BCL2L14: variants seen among roughly 807,000 people sequenced by gnomAD.
The protein encoded by BCL2L14 is BCL2 like 14, also known as apoptosis facilitator Bcl-2-like protein 14.
In BCL2L14, 27 loss-of-function variants were observed where a neutral mutation model predicts 35.3. That is an observed-to-expected ratio of 0.76 (90% CI 0.56 to 1.05). The LOEUF is 1.05. Ranked by LOEUF, BCL2L14 falls within the 50% of genes least tolerant of loss-of-function variation. BCL2L14 has a pLI of 0.00. For missense variants in BCL2L14, 377 were observed against 382.6 expected, an observed-to-expected ratio of 0.99 and a Z score of 0.12; for synonymous variants, 139 against 145.9, an observed-to-expected ratio of 0.95 and a Z score of 0.34.
intron 1 of BCL2L14, among the ~76,000 whole-genome samples, chr12:12,050,601 A>G (rs977927155): frequency 1.3e-5 from 2 of 151,738 alleles, no homozygotes; most frequent in Non-Finnish European, 2.9e-5. Context: ...CTGGAACCCA[A>G]ATTGAAAAGG....
upstream of BCL2L14, among the ~76,000 whole-genome samples, chr12:12,067,884 G>A (rs953458288): frequency 1.3e-5 from 2 of 152,128 alleles, no homozygotes; most frequent in African/African-American, 2.4e-5. Context: ...CTCAGCTTCC[G>A]TGTGGGGTTT....
At chr12:12,064,300 T>G (rs911014680) in intron 2 of BCL2L14, among the ~76,000 whole-genome samples, 2 of 103,270 alleles carry the variant, frequency 1.9e-5, no homozygotes, top group Admixed American at 2.2e-4. Context: ...GCTAATTTTT[T>G]TGATTTTTTT....
intron 2 of BCL2L14, among the ~76,000 whole-genome samples, chr12:12,058,269 T>A (rs1948463684): frequency 2.0e-5 from 3 of 151,642 alleles, no homozygotes; most frequent in Admixed American, 1.3e-4. Flanking sequence ...TTTTTCTTTT[T>A]TTTGAGACGG....
At chr12:12,080,866 G>T (rs1049089145) in intron 2 of BCL2L14, among the ~76,000 whole-genome samples, 1 of 152,152 alleles carries the variant, frequency 6.6e-6, no homozygotes, top group African/African-American at 2.4e-5. Context: ...TCTTCCCTCA[G>T]TTGGACAAAA....
chr12:12,057,945 G>A (rs373018027), intron 2 of BCL2L14, among the ~76,000 whole-genome samples: 1 of 91,094 alleles, frequency 1.1e-5, no homozygotes, highest in African/African-American at 3.1e-5. Context: ...TTGTGTGTTT[G>A]TCTTTTTTTT....
chr12:12,067,241 C>G (rs1281646175), upstream of BCL2L14, among the ~76,000 whole-genome samples: 1 of 151,964 alleles, frequency 6.6e-6, no homozygotes, highest in Non-Finnish European at 1.5e-5. Flanking sequence ...ATTTTATTTA[C>G]AAAATAAGTT....
intron 5 of BCL2L14, among the ~76,000 whole-genome samples, chr12:12,096,634 C>T (rs1184458690): frequency 2.0e-5 from 3 of 152,222 alleles, no homozygotes; most frequent in Admixed American, 6.5e-5. Context: ...CATGAAAAGA[C>T]GCTTGTTTGA....
rs551408987 is a variant in BCL2L14, at chr12:12,094,389, C to G, written c.679-275C>G. 28 of 871,666 alleles carry G rather than the reference C, an allele frequency of 3.2e-5. No individual in the cohort carries two copies. The East Asian group carries it at 7.2e-4, about 22-fold the overall frequency. The allele number at this position is 871,666 out of a possible 1,614,324, so 54.0% of individuals were successfully genotyped here. ...ATCTCAGTCATCCATACTACCTGCC[C>G]ATTATAAGTGCTCAGGAAATATTTG... is the stretch of plus-strand genomic sequence containing the variant. On this transcript the variant is annotated intron_variant, in intron 4 of 5. Coordinates refer to ENST00000308721, the MANE Select transcript of BCL2L14 (RefSeq NM_138723.2).
At position 12,099,432 on chromosome 12, in the gene BCL2L14, A is replaced by G. The variant is rs1949382817; in HGVS notation, c.*444A>G. ...CACTTGGGGTGGCCTAATACCTAGG[A>G]AGATGTTGCTATTCACGTTAGTAAA... On this transcript the variant is annotated 3_prime_UTR_variant, in exon 6 of 6. Coordinates refer to ENST00000308721, the MANE Select transcript of BCL2L14 (RefSeq NM_138723.2). The G allele has an allele frequency of 6.3e-6, 1 of 158,728 alleles. No individual in the cohort carries two copies. Among genetic ancestry groups the G allele is most frequent in the South Asian group, 1.9e-4 (1 of 5,140 alleles). The allele number at this position is 158,728 out of a possible 1,614,324, so 9.8% of individuals were successfully genotyped here.
intron 1 of BCL2L14, among the ~76,000 whole-genome samples, chr12:12,050,694 T>C (rs899262038): frequency 6.6e-6 from 1 of 150,608 alleles, no homozygotes; most frequent in African/African-American, 2.4e-5. Context: ...AAGAGCCTAT[T>C]TACAGGGGTG....
intron 2 of BCL2L14, 56 bp from the exon 3 acceptor site, chr12:12,087,157 A>G (rs1255335683): frequency 3.8e-6 from 6 of 1,576,312 alleles, no homozygotes; most frequent in East Asian, 2.2e-5. Context: ...TTGCATACCA[A>G]TGAGCCAGAT....
chr12:12,062,310 C>T (rs1414370614), intron 2 of BCL2L14, among the ~76,000 whole-genome samples: 1 of 1,210 alleles, frequency 8.3e-4, no homozygotes, highest in East Asian at 0.25. Context: ...TGACACTCAC[C>T]CCATTTCCCC....
At position 12,099,470 on chromosome 12, in the gene BCL2L14, ACT is replaced by A. The variant is rs1348970511; in HGVS notation, c.*485_*486del. The A allele has an allele frequency of 6.5e-6, 1 of 152,908 alleles. No homozygotes were observed. The highest frequency in any genetic ancestry group is 2.4e-5 in the African/African-American group (1 of 41,336). The allele number at this position is 152,908 out of a possible 1,614,324, so 9.5% of individuals were successfully genotyped here. ...TCACGTTAGTAAACAGCCTAAAGAA[ACT>A]CTTAGGTTTACTGCTACATCCATTT... On this transcript the variant is annotated 3_prime_UTR_variant, in exon 6 of 6. Transcript: ENST00000308721.
intron 1 of BCL2L14, among the ~76,000 whole-genome samples, chr12:12,075,425 CTTTCTTTCT>C (rs982111880): frequency 1.5e-5 from 2 of 134,150 alleles, no homozygotes; most frequent in African/African-American, 5.5e-5. Flanking sequence ...TTCTTTCTTT[CTTTCTTTCT>C]TTTTTTTTTG....
intron 5 of BCL2L14, among the ~76,000 whole-genome samples, chr12:12,097,803 C>A: frequency 6.7e-6 from 1 of 150,052 alleles, no homozygotes; most frequent in Non-Finnish European, 1.5e-5. Flanking sequence ...AAAAACAGTT[C>A]CAATTAGAAA....
At chr12:12,090,696 C>A in intron 3 of BCL2L14, 83 bp from the exon 4 acceptor site, 3 of 1,062,976 alleles carry the variant, frequency 2.8e-6, no homozygotes, top group South Asian at 1.5e-5. Flanking sequence ...CCTTACCAAG[C>A]CACAAGCATT....
intron 5 of BCL2L14, among the ~76,000 whole-genome samples, chr12:12,096,749 T>A (rs1026783483): frequency 1.3e-5 from 2 of 152,204 alleles, no homozygotes; most frequent in African/African-American, 4.8e-5. Context: ...GGTGAGGATG[T>A]GGAGAAATTG....
intron 2 of BCL2L14, among the ~76,000 whole-genome samples, chr12:12,083,550 C>A (rs1375919381): frequency 1.3e-5 from 2 of 152,164 alleles, no homozygotes; most frequent in Admixed American, 1.3e-4. Flanking sequence ...CTCAAATACC[C>A]ATGGCTTAAA....
chr12:12,054,763 A>G (rs1212603782), intron 2 of BCL2L14: 1 of 151,818 alleles, frequency 6.6e-6, no homozygotes. Flanking sequence ...AGCCTGGCCA[A>G]CAGGGTGAAA....
Sources: gnomAD v4.1 joint callset for allele counts (sites outside exome capture counted in the v4.1 genomes callset) on GRCh38, gnomAD v4.1.1 for gene constraint, MANE v1.5 for transcripts, NCBI Gene and HGNC (gene_info 2026-07-23, HGNC 2026-07-21) for gene names.